TBCK: variants seen among roughly 807,000 people sequenced by gnomAD.
TBCK encodes the protein TBC domain-containing protein kinase-like protein.
A neutral mutation model predicts 113.4 loss-of-function variants in TBCK; 99 were observed. The observed-to-expected ratio is 0.87, with a 90% CI of 0.74 to 1.03. The LOEUF is 1.03. Ranked by LOEUF, TBCK falls within the 50% of genes least tolerant of loss-of-function variation. TBCK has a pLI of 0.00. For missense variants in TBCK, 1,045 were observed against 1,061.3 expected, an observed-to-expected ratio of 0.98 and a Z score of 0.21; for synonymous variants, 369 against 370.8, an observed-to-expected ratio of 1.00 and a Z score of 0.05.
intron 23 of TBCK, among the ~76,000 whole-genome samples, chr4:106,156,514 T>A (rs1388864552): frequency 6.6e-6 from 1 of 152,128 alleles, no homozygotes; most frequent in African/African-American, 2.4e-5. Flanking sequence ...GCCAGGGACT[T>A]ATGTCAAAAA....
Position 106,288,247 on chromosome 4 carries a change from A to G in TBCK, c.266+6847T>C, listed in dbSNP as rs565443455. Reference sequence around the variant, plus strand: ...TGTCTGTACTAAAATACAAAAAATTAGCCAGGCATGGCGGTGTATGCCTGT... The same window carrying G: ...TGTCTGTACTAAAATACAAAAAATTGGCCAGGCATGGCGGTGTATGCCTGT... On this transcript the variant is annotated intron_variant, in intron 3 of 25. Coordinates refer to ENST00000394708, the MANE Select transcript of TBCK (RefSeq NM_001163435.3). 2.0e-5 allele frequency among the ~76,000 whole-genome samples: 3 copies of G among 152,284 alleles called. No homozygotes were observed. The East Asian group carries it at 5.8e-4, about 29-fold the overall frequency.
intron 25 of TBCK, among the ~76,000 whole-genome samples, chr4:106,055,220 C>T (rs1167385310): frequency 6.6e-6 from 1 of 151,398 alleles, no homozygotes; most frequent in Non-Finnish European, 1.5e-5. Flanking sequence ...CAAAACTGCT[C>T]TGTTCAAAGA....
At chr4:106,218,875 T>C (rs1259765565) in intron 19 of TBCK, among the ~76,000 whole-genome samples, 1 of 147,168 alleles carries the variant, frequency 6.8e-6, no homozygotes, top group African/African-American at 2.5e-5. Context: ...ACTGGGTATA[T>C]ACCCAAAGGA....
intron 23 of TBCK, among the ~76,000 whole-genome samples, chr4:106,128,737 C>T (rs1253282472): frequency 6.6e-6 from 1 of 151,804 alleles, no homozygotes; most frequent in Admixed American, 6.6e-5. Context: ...TAATCAAAAT[C>T]CTAAAATAAA....
intron 23 of TBCK, among the ~76,000 whole-genome samples, chr4:106,165,894 T>C (rs1415263709): frequency 6.6e-6 from 1 of 151,738 alleles, no homozygotes; most frequent in Non-Finnish European, 1.5e-5. Context: ...GCTTTTTCTA[T>C]TATAAAACTC....
intron 24 of TBCK, among the ~76,000 whole-genome samples, chr4:106,108,170 C>T (rs1458752522): frequency 6.6e-6 from 1 of 152,084 alleles, no homozygotes; most frequent in Non-Finnish European, 1.5e-5. Flanking sequence ...CAAATTCTAC[C>T]AGATGTACAA....
rs952206256 is a variant in TBCK at position 106,041,639 on chromosome 4, A to G, written c.*4931T>C. The G allele has an allele frequency of 6.6e-6, 1 of 152,218 alleles. No individual in the cohort carries two copies. Among genetic ancestry groups the G allele is most frequent in the Non-Finnish European group, 1.5e-5 (1 of 68,026 alleles). 9.4% of individuals were successfully genotyped at this position (152,218 alleles called of 1,614,324 possible). A position where few individuals can be genotyped will look rare whatever the true frequency, so the allele number is the denominator to read the frequency against. ...TATTAGAACAGATCAGTATTATTAG[A>G]ATAGAACAGTATTATTGAAATGCTG... On this transcript the variant is annotated 3_prime_UTR_variant, in exon 26 of 26. Transcript: ENST00000394708.
intron 3 of TBCK, among the ~76,000 whole-genome samples, chr4:106,287,870 T>A (rs1765274609): frequency 1.3e-5 from 2 of 152,218 alleles, no homozygotes; most frequent in Admixed American, 1.3e-4. Context: ...CATCTAGTTA[T>A]GCTATTCCTA....
chr4:106,178,594 C>T (rs1343430829), intron 22 of TBCK, among the ~76,000 whole-genome samples: 3 of 151,786 alleles, frequency 2.0e-5, no homozygotes, highest in Non-Finnish European at 1.5e-5. Context: ...TGTTCTTGAT[C>T]CTGTTAAGTG....
intron 23 of TBCK, among the ~76,000 whole-genome samples, chr4:106,151,157 A>G (rs1438006064): frequency 2.6e-5 from 4 of 152,060 alleles, no homozygotes; most frequent in Non-Finnish European, 5.9e-5. Context: ...ATCCAGGTTA[A>G]TGGGAGTCCA....
At chr4:106,249,434 A>G (rs1388404012) in intron 7 of TBCK, among the ~76,000 whole-genome samples, 1 of 152,158 alleles carries the variant, frequency 6.6e-6, no homozygotes, top group Non-Finnish European at 1.5e-5. Context: ...CTTTTCATAC[A>G]CATGGGTTCT....
intron 1 of TBCK, among the ~76,000 whole-genome samples, chr4:106,312,471 T>G (rs1256868728): frequency 1.3e-5 from 2 of 150,824 alleles, no homozygotes; most frequent in Non-Finnish European, 1.5e-5. Context: ...GTGTTGAGAA[T>G]GTGGAAGTGG....
In TBCK at chr4:106,236,991, C is replaced by A. The variant is rs11938792; in HGVS notation, c.1171-183G>T. On this transcript the variant is annotated intron_variant, in intron 12 of 25. Coordinates refer to ENST00000394708, the MANE Select transcript of TBCK (RefSeq NM_001163435.3). ...AAGCATACAATGCCTCTACTGATTA[C>A]GGTTTGGCTGTGAAAAACAACTATT... Among the ~76,000 whole-genome samples the A allele has an allele frequency of 0.8, 121,107 of 151,854 alleles. 48,416 individuals are homozygous for A. Among genetic ancestry groups the A allele is most frequent in the Non-Finnish European group, 0.81 (55,179 of 67,904 alleles).
At chr4:106,243,389 T>G (rs1760398746) in intron 11 of TBCK, among the ~76,000 whole-genome samples, 1 of 152,148 alleles carries the variant, frequency 6.6e-6, no homozygotes. Context: ...AGAAAGGATA[T>G]TAAATAATAA....
At chr4:106,167,697 T>G (rs553319231) in intron 23 of TBCK, among the ~76,000 whole-genome samples, 1 of 151,690 alleles carries the variant, frequency 6.6e-6, no homozygotes, top group African/African-American at 2.4e-5. Flanking sequence ...ACAGATCCCA[T>G]AGACAATAAA....
chr4:106,096,904 AAAG>A (rs1327975656), intron 24 of TBCK, among the ~76,000 whole-genome samples: 8 of 152,208 alleles, frequency 5.3e-5, no homozygotes, highest in Non-Finnish European at 1.2e-4. Flanking sequence ...CCTGACTCTA[AAAG>A]AAGAACTGTT....
At chr4:106,263,037 T>A (rs1285458634) in intron 3 of TBCK, among the ~76,000 whole-genome samples, 1 of 151,986 alleles carries the variant, frequency 6.6e-6, no homozygotes, top group Non-Finnish European at 1.5e-5. Context: ...TTTGAAAAGT[T>A]CAAATCTCAG....
At chr4:106,316,287 GGT>G, upstream of TBCK, 1 of 405,420 alleles carries the variant, frequency 2.5e-6, no homozygotes, top group South Asian at 4.2e-5. Flanking sequence ...CCCGACTTGT[GGT>G]GTCCTTCCCC....
In TBCK at chr4:106,046,691, A is replaced by G; in HGVS notation, c.2572-11T>C. 6.6e-7 allele frequency: 1 copy of G among 1,509,670 alleles called. No individual in the cohort carries two copies. The highest frequency in any genetic ancestry group is 9.2e-7 in the Non-Finnish European group (1 of 1,090,372). The allele number at this position is 1,509,670 out of a possible 1,614,324, so 93.5% of individuals were successfully genotyped here. A position where few individuals can be genotyped will look rare whatever the true frequency, so the allele number is the denominator to read the frequency against. On this transcript the variant is annotated splice_polypyrimidine_tract_variant and intron_variant, in intron 25 of 25. Coordinates refer to ENST00000394708, the MANE Select transcript of TBCK (RefSeq NM_001163435.3). ...AAGGTGAGCTGCAAACTGGAAAAAA[A>G]AAGAGGCAAAATTTTTAGAGGATAT...
Sources: allele counts gnomAD v4.1 joint callset (sites outside exome capture counted in the v4.1 genomes callset), GRCh38; gene constraint gnomAD v4.1.1; transcripts MANE v1.5; gene names NCBI Gene and HGNC (gene_info 2026-07-23, HGNC 2026-07-21).